The following EYA4 variants were observed in gnomAD, a reference collection of about 807,000 sequenced individuals.
The protein encoded by EYA4 is protein phosphatase EYA4.
Under a neutral mutation model 87.9 loss-of-function variants are expected in EYA4, and 31 were observed. The observed-to-expected ratio is 0.35, with a 90% CI of 0.27 to 0.48. EYA4 has a LOEUF of 0.48. Ranked by LOEUF, EYA4 falls within the 20% of genes least tolerant of loss-of-function variation. The pLI is 0.99. For synonymous variants in EYA4, 263 were observed against 270.6 expected, an observed-to-expected ratio of 0.97 and a Z score of 0.28; for missense variants, 678 against 761.4, an observed-to-expected ratio of 0.89 and a Z score of 1.29.
chr6:133,375,356 C>G (rs1041770101), intron 2 of EYA4, among the ~76,000 whole-genome samples: 4 of 151,840 alleles, frequency 2.6e-5, no homozygotes, highest in Non-Finnish European at 5.9e-5. Context: ...TCTTTCACAC[C>G]TGTACGTAAG....
intron 13 of EYA4, among the ~76,000 whole-genome samples, chr6:133,495,425 T>G (rs1312003609): frequency 3.4e-5 from 5 of 148,622 alleles, no homozygotes; most frequent in Non-Finnish European, 7.4e-5. Flanking sequence ...TATATTCATT[T>G]ATTTATAAAT....
intron 3 of EYA4, among the ~76,000 whole-genome samples, chr6:133,416,219 T>C (rs181258770): frequency 6.6e-6 from 1 of 152,240 alleles, no homozygotes; most frequent in East Asian, 1.9e-4. Context: ...AAGATGAAAT[T>C]GGAGGCAGGA....
At chr6:133,395,523 G>T (rs1016937905) in intron 3 of EYA4, among the ~76,000 whole-genome samples, 1 of 152,168 alleles carries the variant, frequency 6.6e-6, no homozygotes, top group Admixed American at 6.5e-5. Context: ...ACTTTGGGAG[G>T]CCAAGGCAGG....
chr6:133,248,002 A>C (rs942925116), intron 1 of EYA4: 4 of 151,468 alleles, frequency 2.6e-5, no homozygotes, highest in Non-Finnish European at 5.9e-5. Context: ...AGGTGTGTCT[A>C]CTCTCCCTTC....
rs547588538 is a variant in EYA4, at chr6:133,512,470, C to T, written c.1282-251C>T. ...TTTTAAGATTAAAATTTTTAAATTG[C>T]TCTAAAGAAACTCTCATGCCGTATA... On this transcript the variant is annotated intron_variant, in intron 14 of 19. Transcript: ENST00000355286. 1.6e-3 allele frequency among the ~76,000 whole-genome samples: 240 copies of T among 152,236 alleles called. 1 individual carries two copies. The highest frequency in any genetic ancestry group is 5.4e-3 in the African/African-American group (225 of 41,546).
chr6:133,345,135 G>T (rs541140596), intron 2 of EYA4, among the ~76,000 whole-genome samples: 1 of 152,084 alleles, frequency 6.6e-6, no homozygotes, highest in African/African-American at 2.4e-5. Flanking sequence ...ATCTTATCTA[G>T]CCTTTTGAAA....
intron 2 of EYA4, among the ~76,000 whole-genome samples, chr6:133,365,654 G>T (rs1035013348): frequency 1.3e-5 from 2 of 152,130 alleles, no homozygotes; most frequent in African/African-American, 2.4e-5. Flanking sequence ...GGAAAGGGAA[G>T]GGCAGAGGAA....
intron 6 of EYA4, among the ~76,000 whole-genome samples, chr6:133,457,829 G>A (rs560309224): frequency 1.3e-5 from 2 of 152,246 alleles, no homozygotes; most frequent in South Asian, 4.2e-4. Flanking sequence ...TTAAGGAAAG[G>A]AATGGAGTTA....
At chr6:133,347,227 G>T (rs367717778) in intron 2 of EYA4, among the ~76,000 whole-genome samples, 3 of 152,234 alleles carry the variant, frequency 2.0e-5, no homozygotes, top group East Asian at 3.9e-4. Flanking sequence ...ATTGTGCTGT[G>T]TATTCCAAAC....
At chr6:133,429,616 G>A (rs1370952090) in intron 3 of EYA4, among the ~76,000 whole-genome samples, 4 of 152,080 alleles carry the variant, frequency 2.6e-5, no homozygotes, top group Non-Finnish European at 5.9e-5. Context: ...AGCTAGAGGG[G>A]GGAAATAATG....
intron 2 of EYA4, among the ~76,000 whole-genome samples, chr6:133,330,374 A>G (rs1781830181): frequency 6.6e-6 from 1 of 152,052 alleles, no homozygotes; most frequent in Admixed American, 6.6e-5. Context: ...GTAATTATAA[A>G]TTACCCCCTC....
At chr6:133,315,146 T>C (rs985746431) in intron 2 of EYA4, among the ~76,000 whole-genome samples, 9 of 152,278 alleles carry the variant, frequency 5.9e-5, no homozygotes, top group African/African-American at 1.7e-4. Context: ...TAAAGATCTG[T>C]GATTACTGAA....
chr6:133,443,232 A>G (rs1200395538), intron 3 of EYA4, among the ~76,000 whole-genome samples: 1 of 151,962 alleles, frequency 6.6e-6, no homozygotes, highest in Non-Finnish European at 1.5e-5. Context: ...GTAGCAAAAA[A>G]AGTTTGCTAG....
chr6:133,301,278 G>A (rs868544597), intron 2 of EYA4, among the ~76,000 whole-genome samples: 1 of 152,164 alleles, frequency 6.6e-6, no homozygotes, highest in Non-Finnish European at 1.5e-5. Context: ...CTGATGAATG[G>A]ATGTTTATCT....
At chr6:133,515,469 T>C in intron 17 of EYA4, 34 bp downstream of exon 17, 1 of 1,186,624 alleles carries the variant, frequency 8.4e-7, no homozygotes, top group Non-Finnish European at 1.3e-6. Context: ...ATGTGTATCG[T>C]ATTGAAGATT....
intron 1 of EYA4, among the ~76,000 whole-genome samples, chr6:133,272,607 G>T (rs974477844): frequency 1.3e-5 from 2 of 152,204 alleles, no homozygotes; most frequent in Non-Finnish European, 2.9e-5. Flanking sequence ...ATCTGTAGAA[G>T]ATGGTTGGGC....
chr6:133,529,482 G>GTGTT lies in EYA4; in HGVS notation c.*678_*681dup, dbSNP rs1800877992. Reference sequence around the variant, plus strand: ...GCCTTAAAGACAAGACAGCATTTGTGTGTTACAATGTAACTTTGGTTAAAA... The same window carrying GTGTT: ...GCCTTAAAGACAAGACAGCATTTGTGTGTTTGTTACAATGTAACTTTGGTTAAAA... On this transcript the variant is annotated 3_prime_UTR_variant, in exon 20 of 20. Coordinates refer to ENST00000355286, the MANE Select transcript of EYA4 (RefSeq NM_004100.5). 2.1e-6 allele frequency: 2 copies of GTGTT among 971,664 alleles called. No homozygotes were observed. The highest frequency in any genetic ancestry group is 1.2e-6 in the Non-Finnish European group (1 of 820,484). The allele number at this position is 971,664 out of a possible 1,614,324, so 60.2% of individuals were successfully genotyped here. A position where few individuals can be genotyped will look rare whatever the true frequency, so the allele number is the denominator to read the frequency against.
intron 2 of EYA4, among the ~76,000 whole-genome samples, chr6:133,282,703 G>A (rs966572139): frequency 5.9e-5 from 9 of 152,140 alleles, no homozygotes; most frequent in Non-Finnish European, 1.3e-4. Flanking sequence ...TGTCAACTGT[G>A]ATCAGCTGGT....
chr6:133,258,309 G>T (rs1158454669), intron 1 of EYA4, among the ~76,000 whole-genome samples: 2 of 152,066 alleles, frequency 1.3e-5, no homozygotes, highest in Non-Finnish European at 2.9e-5. Context: ...CAAGAGAGAG[G>T]GGGCAAATTA....
Sources: gnomAD v4.1 joint callset for allele counts (sites outside exome capture counted in the v4.1 genomes callset) on GRCh38, gnomAD v4.1.1 for gene constraint, MANE v1.5 for transcripts, NCBI Gene and HGNC (gene_info 2026-07-23, HGNC 2026-07-21) for gene names.